Variants in ELMO1 observed in about 807,000 individuals in gnomAD.
ELMO1 encodes the protein engulfment and cell motility protein 1.
In ELMO1, 26 loss-of-function variants were observed where a neutral mutation model predicts 98.9. The ratio of observed to expected loss-of-function variants is 0.26; its 90% CI spans 0.19 to 0.36. ELMO1 has a LOEUF of 0.36. Among genes scored for constraint, ELMO1 ranks in the 10% least tolerant of loss-of-function variants. The pLI is 1.00. For missense variants in ELMO1, 627 were observed against 935.2 expected, an observed-to-expected ratio of 0.67 and a Z score of 4.30; for synonymous variants, 346 against 346.0, an observed-to-expected ratio of 1.00 and a Z score of 0.00.
At position 37,371,993 on chromosome 7, in the gene ELMO1, T is replaced by G. The variant is rs113733806; in HGVS notation, c.-73-29230A>C. On this transcript the variant is annotated intron_variant, in intron 1 of 21. Coordinates refer to ENST00000310758, the MANE Select transcript of ELMO1 (RefSeq NM_014800.11). ...CTCTCAGTGTCCCTGTTACTAAAAC[T>G]AATAACTAATAACTGTCAAAGGTAA... 3.3e-3 allele frequency among the ~76,000 whole-genome samples: 506 copies of G among 152,288 alleles called. 2 individuals carry two copies. The highest frequency in any genetic ancestry group is 0.014 in the Middle Eastern group (4 of 294).
At chr7:37,224,386 A>G (rs1793755692) in intron 9 of ELMO1, among the ~76,000 whole-genome samples, 1 of 152,256 alleles carries the variant, frequency 6.6e-6, no homozygotes, top group East Asian at 1.9e-4. Context: ...ATTTTATTAT[A>G]AAATACAAAA....
chr7:37,180,467 A>T (rs2129977637), intron 13 of ELMO1, among the ~76,000 whole-genome samples: 1 of 152,350 alleles, frequency 6.6e-6, no homozygotes, highest in Middle Eastern at 3.4e-3. Context: ...TCAAGGTCAA[A>T]GAACACACAG....
chr7:36,985,006 A>G, intron 16 of ELMO1: 1 of 985,426 alleles, frequency 1.0e-6, no homozygotes, highest in Non-Finnish European at 1.2e-6. Context: ...TTAAGTTTGC[A>G]GCTAGAAGGG....
At chr7:37,047,909 TA>T (rs1013844838) in intron 15 of ELMO1, among the ~76,000 whole-genome samples, 1 of 152,094 alleles carries the variant, frequency 6.6e-6, no homozygotes, top group Non-Finnish European at 1.5e-5. Flanking sequence ...AAACGTATTT[TA>T]AAATTAAAAA....
At chr7:36,904,396 G>T (rs901503096) in intron 16 of ELMO1, among the ~76,000 whole-genome samples, 2 of 152,190 alleles carry the variant, frequency 1.3e-5, no homozygotes, top group African/African-American at 4.8e-5. Flanking sequence ...AGGGGATAGC[G>T]GTGCTCAGGC....
chr7:37,136,106 C>A (rs1371226929), intron 13 of ELMO1, among the ~76,000 whole-genome samples: 3 of 152,002 alleles, frequency 2.0e-5, no homozygotes, highest in African/African-American at 7.2e-5. Context: ...GTAGAATTAG[C>A]AAGCAAAATA....
chr7:37,010,892 T>C (rs1376609023), intron 16 of ELMO1, among the ~76,000 whole-genome samples: 3 of 152,242 alleles, frequency 2.0e-5, no homozygotes, highest in Admixed American at 2.0e-4. Context: ...GCAAACACGA[T>C]GAAAGTATTT....
intron 1 of ELMO1, among the ~76,000 whole-genome samples, chr7:37,421,458 C>A (rs184823573): frequency 6.6e-6 from 1 of 152,328 alleles, no homozygotes; most frequent in East Asian, 1.9e-4. Flanking sequence ...CTTCCTCAAG[C>A]CCCTTATCAA....
chr7:37,107,340 G>A (rs1168938040), intron 14 of ELMO1, among the ~76,000 whole-genome samples: 1 of 152,192 alleles, frequency 6.6e-6, no homozygotes, highest in Non-Finnish European at 1.5e-5. Flanking sequence ...GGGCTTCATG[G>A]AGAGGGTGAG....
chr7:37,163,505 C>G (rs552906924), intron 13 of ELMO1, among the ~76,000 whole-genome samples: 5 of 148,392 alleles, frequency 3.4e-5, no homozygotes, highest in African/African-American at 1.2e-4. Flanking sequence ...CCCCCAACCC[C>G]ACAACAGTCC....
intron 16 of ELMO1, among the ~76,000 whole-genome samples, chr7:36,914,843 G>T (rs1429208782): frequency 6.6e-6 from 1 of 152,052 alleles, no homozygotes; most frequent in Non-Finnish European, 1.5e-5. Flanking sequence ...ACTCTCCATT[G>T]GTTTAGAATG....
intron 15 of ELMO1, among the ~76,000 whole-genome samples, chr7:37,093,772 A>T (rs1415954925): frequency 6.6e-6 from 1 of 152,254 alleles, no homozygotes; most frequent in African/African-American, 2.4e-5. Context: ...TGAGCAGAAA[A>T]CAACTCATCT....
At chr7:37,050,610 ACAC>A (rs1796049245) in intron 15 of ELMO1, among the ~76,000 whole-genome samples, 1 of 15,446 alleles carries the variant, frequency 6.5e-5, no homozygotes, top group South Asian at 1.8e-3. Flanking sequence ...GGTGCTCTGA[ACAC>A]ACACACACAC....
At chr7:37,144,304 T>C (rs953518887) in intron 13 of ELMO1, among the ~76,000 whole-genome samples, 1 of 152,138 alleles carries the variant, frequency 6.6e-6, no homozygotes, top group Non-Finnish European at 1.5e-5. Flanking sequence ...CTTTTTTGGT[T>C]TTAATAGCCA....
intron 8 of ELMO1, among the ~76,000 whole-genome samples, chr7:37,228,284 G>A (rs965551616): frequency 2.0e-5 from 3 of 152,192 alleles, no homozygotes; most frequent in African/African-American, 4.8e-5. Context: ...ATGTCTCTAC[G>A]TCCAGTTTGA....
Position 36,931,816 on chromosome 7 carries a change from C to T in ELMO1, c.1438-36799G>A, listed in dbSNP as rs573291015. Among the ~76,000 whole-genome samples the T allele has an allele frequency of 4.6e-5, 7 of 152,258 alleles. No individual in the cohort carries two copies. In the South Asian group the frequency reaches 6.2e-4, roughly 14 times the overall value. ...CACGTGGAGGGAGATACATCCTCCA[C>T]GAAAGGGAGAATGGTATTCCCTAGC... is the stretch of plus-strand genomic sequence containing the variant. On this transcript the variant is annotated intron_variant, in intron 16 of 21. Transcript: ENST00000310758.
At chr7:37,027,161 C>G (rs923096576) in intron 15 of ELMO1, among the ~76,000 whole-genome samples, 3 of 152,182 alleles carry the variant, frequency 2.0e-5, no homozygotes, top group Non-Finnish European at 4.4e-5. Flanking sequence ...CTCTCTCCCC[C>G]AACTTTCTGA....
intron 15 of ELMO1, among the ~76,000 whole-genome samples, chr7:37,064,347 TGC>T (rs1475682257): frequency 6.6e-6 from 1 of 152,234 alleles, no homozygotes; most frequent in Non-Finnish European, 1.5e-5. Context: ...AGGGAGCTCC[TGC>T]CCTGGGATCT....
At chr7:37,141,316 A>T (rs1787624695) in intron 13 of ELMO1, among the ~76,000 whole-genome samples, 5 of 152,194 alleles carry the variant, frequency 3.3e-5, no homozygotes. Context: ...GTTCTCACTC[A>T]TGTGGGAGCT....
Sources: allele counts gnomAD v4.1 joint callset (sites outside exome capture counted in the v4.1 genomes callset), GRCh38; gene constraint gnomAD v4.1.1; transcripts MANE v1.5; gene names NCBI Gene and HGNC (gene_info 2026-07-23, HGNC 2026-07-21).